CDRT4: variants seen among roughly 807,000 people sequenced by gnomAD.
CDRT4 encodes the protein CMT1A duplicated region transcript 4, also known as CMT1A duplicated region transcript 4 protein.
For missense variants in CDRT4, 167 were observed against 193.1 expected, an observed-to-expected ratio of 0.87 and a Z score of 0.80; for synonymous variants, 64 against 69.6, an observed-to-expected ratio of 0.92 and a Z score of 0.40.
intron 2 of CDRT4, among the ~76,000 whole-genome samples, chr17:15,442,270 C>T (rs943030644): frequency 2.0e-5 from 3 of 151,918 alleles, no homozygotes; most frequent in African/African-American, 4.8e-5. Flanking sequence ...ATTAGCTGGG[C>T]GTGGTGATGC....
chr17:15,465,878 G>T (rs1032045229), intron 1 of CDRT4, among the ~76,000 whole-genome samples: 2 of 152,028 alleles, frequency 1.3e-5, no homozygotes, highest in African/African-American at 4.8e-5. Flanking sequence ...CCCTGAGGGT[G>T]GTAGCAGCAG....
rs1041806804 is a variant in CDRT4, at chr17:15,464,994, C to A, written c.-130+2466G>T. Among the ~76,000 whole-genome samples the A allele has an allele frequency of 8.7e-5, 13 of 149,590 alleles. No homozygotes were observed. Among genetic ancestry groups the A allele is most frequent in the African/African-American group, 2.5e-4 (10 of 40,526 alleles). On this transcript the variant is annotated intron_variant, in intron 1 of 3. Transcript: ENST00000619038. The surrounding 1 kb of genome is among the most constrained non-coding windows in gnomAD (Gnocchi z 4.5). ...ACAGACACACCAACACACAGACACA[C>A]GCAATACAGACACACACAACACAGA... is the stretch of plus-strand genomic sequence containing the variant.
chr17:15,457,862 G>A (rs550614176), intron 1 of CDRT4, among the ~76,000 whole-genome samples: 1 of 152,302 alleles, frequency 6.6e-6, no homozygotes, highest in African/African-American at 2.4e-5. Context: ...AGGGAAACAT[G>A]GGCAGTGTTG....
At chr17:15,440,101 T>TAA in intron 3 of CDRT4, 107 bp downstream of exon 3, 169 of 799,188 alleles carry the variant, frequency 2.1e-4, no homozygotes, top group Middle Eastern at 3.8e-4. Context: ...AAATATATAT[T>TAA]AAAAAAAAAA....
intron 1 of CDRT4, among the ~76,000 whole-genome samples, chr17:15,454,885 G>A (rs994738292): frequency 6.6e-6 from 1 of 152,150 alleles, no homozygotes; most frequent in Non-Finnish European, 1.5e-5. Flanking sequence ...ATGTTATGAT[G>A]ATCCAATTGA....
rs150395071 is a variant in CDRT4, at chr17:15,438,127, A to G, written c.105T>C (p.Tyr35=). The change falls in exon 4 of 4, where the codon TAT becomes TAC. Residue 35 remains tyrosine, a synonymous_variant. Transcript: ENST00000619038. ...KHDPWPAYVT[Y]TSQTVKRLIE... is the part of the protein sequence containing the mutation. ...TGAGTCTTTTCACTGTCTGAGAGGT[A>G]TAGGTGACATAGGCCGGCCAGGGGT... is the stretch of plus-strand genomic sequence containing the variant. 1.3e-4 allele frequency: 209 copies of G among 1,614,118 alleles called. 1 individual carries two copies. Among genetic ancestry groups the G allele is most frequent in the Middle Eastern group, 1.6e-4 (1 of 6,062 alleles).
At chr17:15,465,242 GACACACACCAACACACACAAC>G (rs1979966465) in intron 1 of CDRT4, among the ~76,000 whole-genome samples, 1 of 94,444 alleles carries the variant, frequency 1.1e-5, no homozygotes, top group Admixed American at 1.2e-4. Context: ...ACACACAACA[GACACACACCAACACACACAAC>G]ACACACACCA....
At chr17:15,448,860 C>T (rs78957688) in intron 2 of CDRT4, among the ~76,000 whole-genome samples, 17,336 of 152,234 alleles carry the variant, frequency 0.11, 1,194 homozygotes, top group Middle Eastern at 0.2. Flanking sequence ...TGCGCTGTTC[C>T]CTGTCATCAC....
intron 2 of CDRT4, among the ~76,000 whole-genome samples, chr17:15,441,854 G>A (rs1210589846): frequency 1.3e-5 from 2 of 152,192 alleles, no homozygotes; most frequent in Non-Finnish European, 2.9e-5. Flanking sequence ...AATTCACAAT[G>A]TCATTATTCT....
At chr17:15,449,611 G>C (rs1979176782) in intron 2 of CDRT4, among the ~76,000 whole-genome samples, 1 of 151,938 alleles carries the variant, frequency 6.6e-6, no homozygotes, top group Non-Finnish European at 1.5e-5. Context: ...TGTTACGTGG[G>C]TATATCGTGT....
intron 1 of CDRT4, among the ~76,000 whole-genome samples, chr17:15,466,758 G>C (rs1018110733): frequency 6.6e-6 from 1 of 152,192 alleles, no homozygotes; most frequent in South Asian, 2.1e-4. Flanking sequence ...TTGTAGAAAC[G>C]GGGTCTTGCT....
chr17:15,460,723 CT>C (rs1979708417), intron 1 of CDRT4, among the ~76,000 whole-genome samples: 1 of 152,178 alleles, frequency 6.6e-6, no homozygotes, highest in Non-Finnish European at 1.5e-5. Context: ...CCAGAGTGAT[CT>C]TTCTAAAACC....
intron 2 of CDRT4, among the ~76,000 whole-genome samples, chr17:15,447,301 A>G (rs571530304): frequency 2.1e-4 from 32 of 152,286 alleles, no homozygotes; most frequent in Admixed American, 3.3e-4. Context: ...CAGTTTCCTA[A>G]TTCAACCTGG....
chr17:15,456,826 C>T (rs773685679), intron 1 of CDRT4, among the ~76,000 whole-genome samples: 3 of 152,100 alleles, frequency 2.0e-5, no homozygotes, highest in Non-Finnish European at 4.4e-5. Flanking sequence ...AACACAAGAA[C>T]GCAGAAACTA....
At chr17:15,452,518 C>T (rs1056529340) in intron 2 of CDRT4, 1 of 152,258 alleles carries the variant, frequency 6.6e-6, no homozygotes, top group African/African-American at 2.4e-5. Context: ...CTCACCTTGT[C>T]CAATATGTGC....
intron 2 of CDRT4, among the ~76,000 whole-genome samples, chr17:15,444,901 G>T (rs781401453): frequency 6.6e-6 from 1 of 152,130 alleles, no homozygotes; most frequent in Non-Finnish European, 1.5e-5. Flanking sequence ...TACCAAAATT[G>T]ACTTAGATCA....
At chr17:15,465,829 T>TG (rs939707558) in intron 1 of CDRT4, among the ~76,000 whole-genome samples, 3 of 149,182 alleles carry the variant, frequency 2.0e-5, no homozygotes, top group Non-Finnish European at 4.5e-5. Context: ...CCATCCACCG[T>TG]GGGGAGGACA....
At chr17:15,444,187 A>G in intron 2 of CDRT4, 1 of 1,054,030 alleles carries the variant, frequency 9.5e-7, no homozygotes, top group South Asian at 1.3e-5. Context: ...CAGGCCGATG[A>G]ATAAGATCTA....
At chr17:15,443,761 A>C in intron 2 of CDRT4, 1 of 503,052 alleles carries the variant, frequency 2.0e-6, no homozygotes, top group Non-Finnish European at 3.9e-6. Context: ...TGTAGAACCC[A>C]GTCTTCTCGG....
Sources: allele counts gnomAD v4.1 joint callset (sites outside exome capture counted in the v4.1 genomes callset), GRCh38; gene constraint gnomAD v4.1.1; non-coding constraint Gnocchi (gnomAD v3.1); transcripts MANE v1.5; gene names NCBI Gene and HGNC (gene_info 2026-07-23, HGNC 2026-07-21).